ZNF682: variants seen among roughly 807,000 people sequenced by gnomAD.
ZNF682 encodes zinc finger protein 682.
ZNF682 carries 29 observed loss-of-function variants against 36.5 expected under a neutral mutation model. That is an observed-to-expected ratio of 0.80 (90% confidence interval 0.59 to 1.08). The LOEUF is 1.08. Among genes scored for constraint, ZNF682 ranks in the 50% least tolerant of loss-of-function variants. The pLI, the probability that ZNF682 is intolerant of heterozygous loss-of-function variation, is 0.00. For missense variants in ZNF682, 561 were observed against 579.7 expected (o/e 0.97, Z 0.33); for synonymous variants, 180 against 197.0 (o/e 0.91, Z 0.72).
chr19:20,039,232 C>A (rs2088561994), intron 1 of ZNF682, 111 bp downstream of exon 1: 2 of 1,533,498 alleles, frequency 1.3e-6, no homozygotes, highest in South Asian at 1.2e-5. Context: ...GGACTCCAGT[C>A]CGCAGACTCC....
chr19:19,996,229 G>T (rs77657566), downstream of ZNF682, among the ~76,000 whole-genome samples: 10,370 of 152,234 alleles, frequency 0.068, 582 homozygotes, highest in East Asian at 0.2. Context: ...ATGTTCTTGA[G>T]GAGCATATGC....
chr19:19,997,284 G>A, intron 3 of ZNF682: 1 of 398,422 alleles, frequency 2.5e-6, no homozygotes, highest in Non-Finnish European at 4.4e-6. Context: ...AATGAGCTAT[G>A]TCCCCATCTC....
intron 3 of ZNF682, among the ~76,000 whole-genome samples, chr19:20,008,349 G>A (rs2088249405): frequency 6.6e-6 from 1 of 152,214 alleles, no homozygotes; most frequent in African/African-American, 2.4e-5. Context: ...CAGATGGCTT[G>A]GGACAAGCCT....
Position 20,006,594 on chromosome 19 carries a change from T to C in ZNF682, c.908A>G (p.His303Arg). ...AFNRHSHLTK[H>R]KTIHTGKKPY... ...TTTCTTTCCAGTGTGAATTGTCTTA[T>C]GTTTGGTGAGATGTGAGTGCCGGTT... Residue 303 changes from histidine (H) to arginine (R), a missense_variant, in exon 4 of 4, where the codon CAT becomes CGT. Transcript: ENST00000397165. 12 of 1,614,198 alleles carry C rather than the reference T, an allele frequency of 7.4e-6. No homozygotes were observed. The highest frequency in any genetic ancestry group is 2.2e-5 in the East Asian group (1 of 44,880).
intron 3 of ZNF682, among the ~76,000 whole-genome samples, chr19:20,022,631 C>T (rs1307888419): frequency 6.6e-6 from 1 of 151,998 alleles, no homozygotes; most frequent in African/African-American, 2.4e-5. Flanking sequence ...CCATTGCACT[C>T]CAGCCTGGGC....
chr19:20,038,886 G>A (rs2088557815), intron 1 of ZNF682, among the ~76,000 whole-genome samples: 1 of 152,206 alleles, frequency 6.6e-6, no homozygotes, highest in Non-Finnish European at 1.5e-5. Context: ...GTGGCTGGGT[G>A]CTCTCTGAGC....
intron 3 of ZNF682, chr19:20,015,988 A>C (rs1023485449): frequency 7.9e-6 from 3 of 378,720 alleles, no homozygotes; most frequent in Non-Finnish European, 1.4e-5. Context: ...GAAAATGCAA[A>C]GAAAGCTTTT....
intron 1 of ZNF682, chr19:20,031,051 G>C (rs2122383020): frequency 6.6e-6 from 1 of 152,374 alleles, no homozygotes; most frequent in Middle Eastern, 3.4e-3. Context: ...TGGGAAGAGG[G>C]TCTACAGTCA....
At chr19:20,001,341 T>C (rs2088167189), downstream of ZNF682, among the ~76,000 whole-genome samples, 1 of 152,184 alleles carries the variant, frequency 6.6e-6, no homozygotes, top group African/African-American at 2.4e-5. Context: ...AATGGGGGAA[T>C]GTGCTGTACC....
rs1208719210 is a variant in ZNF682 at position 20,022,955 on chromosome 19, G to C, written c.226+49C>G. 3 of 1,486,186 alleles carry C rather than the reference G, an allele frequency of 2.0e-6. No homozygotes were observed. The African/African-American group carries it at 4.2e-5, about 21-fold the overall frequency. The allele number at this position is 1,486,186 out of a possible 1,614,324, so 92.1% of individuals were successfully genotyped here. A position where few individuals can be genotyped will look rare whatever the true frequency, so the allele number is the denominator to read the frequency against. ...ACTCTTGAAGTCTGTCTTCCTTCTTGGCCTTTGGAGCTTTCACCTGTGGCA... is the reference window on the plus strand; with the variant it reads ...ACTCTTGAAGTCTGTCTTCCTTCTTCGCCTTTGGAGCTTTCACCTGTGGCA... On this transcript the variant is annotated intron_variant, in intron 3 of 3. Coordinates refer to ENST00000397165, the MANE Select transcript of ZNF682 (RefSeq NM_033196.3).
intron 1 of ZNF682, among the ~76,000 whole-genome samples, chr19:20,037,471 A>T (rs141827987): frequency 6.6e-6 from 1 of 152,362 alleles, no homozygotes; most frequent in African/African-American, 2.4e-5. Flanking sequence ...TTAAAAACTG[A>T]AGTTAAAATA....
chr19:20,015,665 A>G (rs1198583617), intron 3 of ZNF682: 2 of 387,122 alleles, frequency 5.2e-6, no homozygotes, highest in Non-Finnish European at 9.1e-6. Flanking sequence ...AAAAGCATAC[A>G]TTTTTGAATC....
intron 1 of ZNF682, among the ~76,000 whole-genome samples, chr19:20,025,147 A>T (rs982049618): frequency 6.6e-6 from 1 of 152,226 alleles, no homozygotes; most frequent in Non-Finnish European, 1.5e-5. Context: ...TGTCAAACAC[A>T]AAGTGGTTGA....
At chr19:20,015,861 GACTT>G (rs2088330185) in intron 3 of ZNF682, 3 of 397,878 alleles carry the variant, frequency 7.5e-6, no homozygotes, top group African/African-American at 4.1e-5. Flanking sequence ...GCAAAGAAAA[GACTT>G]ACATCTTTTA....
At chr19:20,009,165 T>C (rs2088258951) in intron 3 of ZNF682, among the ~76,000 whole-genome samples, 1 of 152,184 alleles carries the variant, frequency 6.6e-6, no homozygotes, top group African/African-American at 2.4e-5. Flanking sequence ...TCTCACTAGT[T>C]CCTTTGAAAG....
intron 3 of ZNF682, chr19:20,008,136 T>C (rs1000145777): frequency 4.6e-5 from 7 of 152,384 alleles, no homozygotes; most frequent in Admixed American, 2.6e-4. Flanking sequence ...CAAGCTGATA[T>C]ATGTGGTCTG....
intron 1 of ZNF682, among the ~76,000 whole-genome samples, chr19:20,034,659 GC>G (rs2088511420): frequency 6.6e-6 from 1 of 151,600 alleles, no homozygotes; most frequent in Non-Finnish European, 1.5e-5. Flanking sequence ...TGTAATCCTA[GC>G]TACTCAGGAA....
chr19:20,007,177 C>T lies in ZNF682; in HGVS notation c.325G>A (p.Glu109Lys). The T allele has an allele frequency of 6.2e-7, 1 of 1,613,728 alleles. No individual in the cohort carries two copies. The highest frequency in any genetic ancestry group is 1.1e-5 in the South Asian group (1 of 91,078). ...CCATCCTTCCTTAAGTGTAAATCCT[C>T]AAGTCCACAGCTTCCATATCTTCTC... is the stretch of plus-strand genomic sequence containing the variant. ...ILRRYGSCGLEDLHLRKDGEN... is the reference protein window; with the variant it reads ...ILRRYGSCGLKDLHLRKDGEN... The change falls in exon 4 of 4, where the codon GAG becomes AAG. Residue 109 changes from glutamate (E) to lysine (K), a missense_variant. By Grantham distance (56) the Glu-to-Lys change is moderately conservative. Coordinates refer to ENST00000397165, the MANE Select transcript of ZNF682 (RefSeq NM_033196.3).
At chr19:20,020,064 G>A (rs66680087) in intron 3 of ZNF682, among the ~76,000 whole-genome samples, 408 of 3,068 alleles carry the variant, frequency 0.13, 44 homozygotes, top group South Asian at 0.33. Context: ...AAAAAAAAAA[G>A]AAAGAAATTT....
Sources: allele counts gnomAD v4.1 joint callset (sites outside exome capture counted in the v4.1 genomes callset), GRCh38; gene constraint gnomAD v4.1.1; transcripts MANE v1.5; gene names NCBI Gene and HGNC (gene_info 2026-07-23, HGNC 2026-07-21).